BLTP1: variants seen among roughly 807,000 people sequenced by gnomAD.
The protein encoded by BLTP1 is bridge-like lipid transfer protein family member 1.
chr4:122,224,984 T>C, the BLTP1 span: 11 of 1,055,648 alleles, frequency 1.0e-5, no homozygotes, highest in South Asian at 2.7e-5. Flanking sequence ...TAATATATTA[T>C]TAAAATTATA....
At chr4:122,219,666 AT>A in the BLTP1 span, 1 of 779,412 alleles carries the variant, frequency 1.3e-6, no homozygotes, top group Non-Finnish European at 2.0e-6. Context: ...AGAAAATCAG[AT>A]TTAGAAACTT....
the BLTP1 span, among the ~76,000 whole-genome samples, chr4:122,342,470 C>G: frequency 3.0e-4 from 45 of 152,180 alleles, no homozygotes; most frequent in African/African-American, 1.0e-3. Flanking sequence ...ATTCTCCTGC[C>G]TCAGCCTCCT....
the BLTP1 span, among the ~76,000 whole-genome samples, chr4:122,231,074 T>C: frequency 1.3e-5 from 2 of 152,150 alleles, no homozygotes; most frequent in Non-Finnish European, 2.9e-5. Context: ...TATTAAATAT[T>C]TAGATTGTTT....
chr4:122,350,325 T>C, the BLTP1 span: 8 of 985,258 alleles, frequency 8.1e-6, no homozygotes, highest in Non-Finnish European at 9.6e-6. Flanking sequence ...TCCACGCTCT[T>C]GAATAGTGTT....
the BLTP1 span, among the ~76,000 whole-genome samples, chr4:122,320,849 CT>C: frequency 6.6e-6 from 1 of 151,908 alleles, no homozygotes; most frequent in African/African-American, 2.4e-5. Flanking sequence ...CTATTTTCTA[CT>C]TTTTGCCTTT....
chr4:122,195,887 G>A, the BLTP1 span, among the ~76,000 whole-genome samples: 9 of 152,050 alleles, frequency 5.9e-5, no homozygotes, highest in Non-Finnish European at 1.3e-4. Context: ...TTCTGTCACT[G>A]CTGACTCAAC....
At chr4:122,181,249 T>C in the BLTP1 span, 2 of 964,768 alleles carry the variant, frequency 2.1e-6, no homozygotes, top group South Asian at 4.8e-5. Flanking sequence ...TCTTTTTTTT[T>C]AAAAGAGCTA....
chr4:122,305,986 C>T, the BLTP1 span: 1 of 1,612,122 alleles, frequency 6.2e-7, no homozygotes. Flanking sequence ...GATAGGGAAG[C>T]TGTGCTTATT....
chr4:122,349,688 C>T, the BLTP1 span: 1 of 1,561,886 alleles, frequency 6.4e-7, no homozygotes, highest in Non-Finnish European at 8.7e-7. The surrounding 1 kb of genome is among the most constrained non-coding windows in gnomAD (Gnocchi z 4.5). Context: ...TGACTGTTCT[C>T]AACATATTGT....
At chr4:122,346,956 CAA>C in the BLTP1 span, 17 of 845,056 alleles carry the variant, frequency 2.0e-5, no homozygotes, top group Admixed American at 6.2e-5. Flanking sequence ...ACCAAAAAGA[CAA>C]AAAGTTTTGT....
chr4:122,153,976 G>A, the BLTP1 span: 1 of 983,822 alleles, frequency 1.0e-6, no homozygotes, highest in Non-Finnish European at 1.2e-6. Flanking sequence ...TATGCTGCTC[G>A]TAAAGCCAGA....
At chr4:122,263,159 T>C in the BLTP1 span, 3 of 977,992 alleles carry the variant, frequency 3.1e-6, no homozygotes, top group Non-Finnish European at 3.6e-6. Flanking sequence ...GGAGTCTTCA[T>C]GCCCTTAGTT....
the BLTP1 span, among the ~76,000 whole-genome samples, chr4:122,357,891 T>C: frequency 6.6e-6 from 1 of 152,154 alleles, no homozygotes; most frequent in Non-Finnish European, 1.5e-5. Flanking sequence ...CAAACGACCA[T>C]GTTGAAAGAG....
the BLTP1 span, among the ~76,000 whole-genome samples, chr4:122,163,475 A>C: frequency 6.6e-6 from 1 of 152,194 alleles, no homozygotes; most frequent in Non-Finnish European, 1.5e-5. Context: ...AGAAAGCAGC[A>C]CTCAGCAGGG....
chr4:122,217,410 T>TAATGGG, the BLTP1 span, among the ~76,000 whole-genome samples: 1 of 152,156 alleles, frequency 6.6e-6, no homozygotes, highest in Non-Finnish European at 1.5e-5. Context: ...GGTAGTATTT[T>TAATGGG]AATGGGAATT....
At chr4:122,344,243 C>T in the BLTP1 span, 2 of 970,836 alleles carry the variant, frequency 2.1e-6, no homozygotes, top group East Asian at 2.7e-5. Context: ...CATTAGATCC[C>T]TCTGCTTAAA....
At chr4:122,184,988 T>C in the BLTP1 span, 3 of 984,030 alleles carry the variant, frequency 3.0e-6, no homozygotes, top group Non-Finnish European at 3.6e-6. Context: ...GTATATCATA[T>C]AGTATAGAAG....
the BLTP1 span, chr4:122,215,692 T>G: frequency 2.0e-6 from 1 of 500,774 alleles, no homozygotes; most frequent in Non-Finnish European, 2.6e-6. Flanking sequence ...TTTGTTTGTT[T>G]GTTTACTTTA....
chr4:122,243,378 C>A, the BLTP1 span: 1 of 979,914 alleles, frequency 1.0e-6, no homozygotes, highest in Non-Finnish European at 1.2e-6. Context: ...AATGTATTAG[C>A]CATCTTTGAT....
Sources: gnomAD v4.1 joint callset for allele counts (sites outside exome capture counted in the v4.1 genomes callset) on GRCh38, gnomAD v4.1.1 for gene constraint, Gnocchi (gnomAD v3.1) non-coding constraint, MANE v1.5 for transcripts, NCBI Gene and HGNC (gene_info 2026-07-23, HGNC 2026-07-21) for gene names.